Variants in RBCK1 observed in about 807,000 individuals in gnomAD.
RBCK1 encodes the protein RANBP2-type and C3HC4-type zinc finger containing 1, also known as ranBP-type and C3HC4-type zinc finger-containing protein 1.
Under a neutral mutation model 71.1 loss-of-function variants are expected in RBCK1, and 44 were observed. The observed-to-expected ratio is 0.62, with a 90% CI of 0.49 to 0.80. The LOEUF (loss-of-function observed/expected upper bound fraction) is 0.80, where lower values mean the gene tolerates loss of function less well. RBCK1 is among the 30% of genes least tolerant of loss of function. The pLI is 0.00. For missense variants in RBCK1, 569 were observed against 685.0 expected (o/e 0.83, Z 1.89); for synonymous variants, 306 against 279.7 (o/e 1.09, Z -0.94).
rs746385953 is a variant in RBCK1, at chr20:428,998, C to T, written c.1356C>T (p.Ile452=). ...CCATGCGCTGCCCCCAGTGCCAGAT[C>T]GTGGTACAGAAGAAGGACGGCTGCG... ...GEAMRCPQCQ[I]VVQKKDGCDW... Residue 452 remains isoleucine (I), a synonymous_variant, in exon 11 of 12, where the codon ATC becomes ATT. Coordinates refer to ENST00000356286, the MANE Select transcript of RBCK1 (RefSeq NM_031229.4). This position sits in a 1 kb window ranked among gnomAD's most constrained non-coding sequence, Gnocchi z 5.7. The T allele has an allele frequency of 5.3e-5, 85 of 1,611,896 alleles. 1 individual carries two copies. Among genetic ancestry groups the T allele is most frequent in the Middle Eastern group, 3.4e-4 (2 of 5,874 alleles).
In RBCK1 at chr20:410,033, G is replaced by T. The variant is rs758599536; in HGVS notation, c.167+8G>T. On this transcript the variant is annotated splice_region_variant and intron_variant, in intron 2 of 11. Coordinates refer to ENST00000356286, the MANE Select transcript of RBCK1 (RefSeq NM_031229.4). ...CCCAACGCAGGACATCAGGTGAGGA[G>T]TGCATGGCTGGCCTGAACCCAAGGG... is the stretch of plus-strand genomic sequence containing the variant. 3 of 1,612,468 alleles carry T rather than the reference G, an allele frequency of 1.9e-6. No homozygotes were observed. The highest frequency in any genetic ancestry group is 1.6e-4 in the Middle Eastern group (1 of 6,074).
At chr20:419,223 TACCCCCAG>T (rs1044357819) in intron 4 of RBCK1, 116 bp from the exon 5 acceptor site, 8 of 1,326,480 alleles carry the variant, frequency 6.0e-6, no homozygotes, top group Non-Finnish European at 7.2e-6. Flanking sequence ...AAGCTGGAGG[TACCCCCAG>T]GGAGGAGGGA....
At chr20:414,777 C>T (rs183827371) in intron 2 of RBCK1, among the ~76,000 whole-genome samples, 3 of 152,172 alleles carry the variant, frequency 2.0e-5, no homozygotes, top group Admixed American at 6.5e-5. Flanking sequence ...GTTTCAAAAC[C>T]CTTATTGCTG....
At chr20:426,273 G>A (rs1600309771) in intron 8 of RBCK1, among the ~76,000 whole-genome samples, 1 of 152,198 alleles carries the variant, frequency 6.6e-6, no homozygotes, top group East Asian at 1.9e-4. Context: ...ATTGGCTACA[G>A]TCTGTTGTGC....
chr20:418,534 A>G (rs1036560443), intron 4 of RBCK1, among the ~76,000 whole-genome samples: 1 of 151,910 alleles, frequency 6.6e-6, no homozygotes. Flanking sequence ...ACGCCCGGCT[A>G]ATTTTTTATA....
chr20:415,512 A>G (rs56367061), intron 2 of RBCK1, among the ~76,000 whole-genome samples: 25,600 of 152,122 alleles, frequency 0.17, 2,324 homozygotes, highest in Middle Eastern at 0.27. Context: ...GTTTCTTCAA[A>G]TCAGGAGCCA....
At chr20:424,270 C>T (rs2016589222) in intron 8 of RBCK1, among the ~76,000 whole-genome samples, 1 of 152,178 alleles carries the variant, frequency 6.6e-6, no homozygotes, top group Non-Finnish European at 1.5e-5. Context: ...ACTCCATTTC[C>T]TTATCTGAAA....
In RBCK1 at chr20:417,600, T is replaced by C. The variant is rs778228682; in HGVS notation, c.242T>C (p.Val81Ala). The change falls in exon 3 of 12, where the codon GTG (valine) becomes GCG (alanine). Residue 81 changes from valine (V) to alanine (A), a missense_variant. Physicochemically the swap from Val to Ala is moderately conservative, Grantham distance 64. Coordinates refer to ENST00000356286, the MANE Select transcript of RBCK1 (RefSeq NM_031229.4). The surrounding 1 kb of genome is among the most constrained non-coding windows in gnomAD (Gnocchi z 4.7). ...CTCACAGTGCGCCCTGATATGACAG[T>C]GGCGTCTCTCAAGGACATGGTGAGT... ...IWLTVRPDMT[V>A]ASLKDMVFLD... The C allele has an allele frequency of 1.9e-6, 3 of 1,613,944 alleles. No homozygotes were observed. The highest frequency in any genetic ancestry group is 1.7e-5 in the Admixed American group (1 of 60,022).
Position 428,768 on chromosome 20 carries a change from T to C in RBCK1, c.1308+179T>C. The C allele has an allele frequency of 7.1e-7, 1 of 1,416,948 alleles. No homozygotes were observed. Among genetic ancestry groups the C allele is most frequent in the Non-Finnish European group, 9.3e-7 (1 of 1,078,524 alleles). The allele number at this position is 1,416,948 out of a possible 1,614,324, so 87.8% of individuals were successfully genotyped here. A position where few individuals can be genotyped will look rare whatever the true frequency, so the allele number is the denominator to read the frequency against. ...GAATGGTCATGTCAGGAAGAGCGTCTGGGTGGAGGGTGGAGACCACAGGAA... is the reference window on the plus strand; with the variant it reads ...GAATGGTCATGTCAGGAAGAGCGTCCGGGTGGAGGGTGGAGACCACAGGAA... On this transcript the variant is annotated intron_variant, in intron 10 of 11. Transcript: ENST00000356286. The surrounding 1 kb of genome is among the most constrained non-coding windows in gnomAD (Gnocchi z 5.7).
intron 8 of RBCK1, 60 bp from the exon 9 acceptor site, chr20:427,253 T>C: frequency 1.3e-6 from 2 of 1,564,284 alleles, no homozygotes; most frequent in Non-Finnish European, 1.7e-6. Context: ...TATTTAGTGG[T>C]CAAGGGTCAT....
chr20:410,686 C>G, intron 2 of RBCK1: 2 of 643,786 alleles, frequency 3.1e-6, no homozygotes, highest in South Asian at 3.6e-5. Flanking sequence ...CTCCAGGAGA[C>G]TTAAACTCAA....
At chr20:429,194 GC>G (rs1023644359) in intron 11 of RBCK1, 100 bp downstream of exon 11, 19 of 1,443,876 alleles carry the variant, frequency 1.3e-5, no homozygotes, top group Non-Finnish European at 1.5e-5. Context: ...ATCCAACCCA[GC>G]ACCTGAATTT....
chr20:426,267 G>A (rs73567145), intron 8 of RBCK1, among the ~76,000 whole-genome samples: 4,331 of 152,128 alleles, frequency 0.028, 200 homozygotes, highest in African/African-American at 0.099. Flanking sequence ...TAAATTATTG[G>A]CTACAGTCTG....
intron 2 of RBCK1, among the ~76,000 whole-genome samples, chr20:414,343 T>C: frequency 6.6e-6 from 1 of 152,106 alleles, no homozygotes; most frequent in East Asian, 1.9e-4. Flanking sequence ...CCCTGGGTGG[T>C]TGAGGTTGCA....
In RBCK1 at chr20:419,675, G is replaced by A. The variant is rs756811010; in HGVS notation, c.700G>A (p.Glu234Lys). 9 of 1,578,872 alleles carry A rather than the reference G, an allele frequency of 5.7e-6. No individual in the cohort carries two copies. The highest frequency in any genetic ancestry group is 2.3e-5 in the East Asian group (1 of 43,086). The part of the protein sequence containing the change: ...YQVPASYQPD[E>K]EERARLAGEE... ...GGTCCCCGCCTCATACCAGCCCGAC[G>A]AGGAGGAGCGAGCGCGCCTGGCGGG... Residue 234 changes from glutamate (E) to lysine (K), a missense_variant, in exon 6 of 12, where the codon GAG (glutamate) becomes AAG (lysine). Transcript: ENST00000356286.
At chr20:424,088 G>A (rs2016578315) in intron 8 of RBCK1, among the ~76,000 whole-genome samples, 1 of 152,250 alleles carries the variant, frequency 6.6e-6, no homozygotes, top group South Asian at 2.1e-4. Context: ...CCACCCAAAA[G>A]TGTGGAATCG....
At chr20:421,650 A>AGGTGTGG (rs1167935043) in intron 7 of RBCK1, among the ~76,000 whole-genome samples, 2 of 151,986 alleles carry the variant, frequency 1.3e-5, no homozygotes, top group African/African-American at 4.8e-5. Flanking sequence ...GGCCTGCTGT[A>AGGTGTGG]GGTGTGGGGT....
rs759203606 is a variant in RBCK1, at chr20:422,150, G to A, written c.941G>A (p.Arg314His). 48 of 1,612,324 alleles carry A rather than the reference G, an allele frequency of 3.0e-5. No individual in the cohort carries two copies. In the East Asian group the frequency reaches 6.0e-4, roughly 20 times the overall value. ...FCRECLQGTIRNSQEAEVSCP... is the reference protein window; with the variant it reads ...FCRECLQGTIHNSQEAEVSCP... ...AGGGAGTGCCTGCAGGGCACCATCC[G>A]CAACAGCCAGGAGGCGGAGGTCTCC... is the stretch of plus-strand genomic sequence containing the variant. The change falls in exon 8 of 12, where the codon CGC becomes CAC. Residue 314 changes from arginine to histidine, a missense_variant. Transcript: ENST00000356286. This position sits in a 1 kb window ranked among gnomAD's most constrained non-coding sequence, Gnocchi z 5.0.
At position 414,257 on chromosome 20, in the gene RBCK1, A is replaced by G. The variant is rs551204417; in HGVS notation, c.168-3269A>G. ...GAGACCTTGTCTCTGCAAAAAATAA[A>G]AAAAATTAGCCAGGCTGGGTGGCAC... On this transcript the variant is annotated intron_variant, in intron 2 of 11. Transcript: ENST00000356286. 2.0e-5 allele frequency among the ~76,000 whole-genome samples: 3 copies of G among 152,236 alleles called. No individual in the cohort carries two copies. In the East Asian group the frequency reaches 5.8e-4, roughly 29 times the overall value.
Sources: allele counts gnomAD v4.1 joint callset (sites outside exome capture counted in the v4.1 genomes callset), GRCh38; gene constraint gnomAD v4.1.1; non-coding constraint Gnocchi (gnomAD v3.1); transcripts MANE v1.5; gene names NCBI Gene and HGNC (gene_info 2026-07-23, HGNC 2026-07-21).